QRICH1: variants seen among roughly 807,000 people sequenced by gnomAD.
QRICH1 encodes the protein glutamine rich 1, also known as transcriptional regulator QRICH1.
A neutral mutation model predicts 87.1 loss-of-function variants in QRICH1; 16 were observed. That is an observed-to-expected ratio of 0.18 (90% CI 0.12 to 0.28). The LOEUF is 0.28. QRICH1 is among the 10% of genes least tolerant of loss of function. The probability of loss-of-function intolerance (pLI) is 1.00; values close to 1 mark genes in which losing one functional copy is unlikely to be tolerated. For missense variants in QRICH1, 647 were observed against 951.7 expected (o/e 0.68, Z 4.21); for synonymous variants, 367 against 368.4 (o/e 1.00, Z 0.05).
chr3:49,054,339 G>A (rs72936804), intron 3 of QRICH1, among the ~76,000 whole-genome samples: 8,594 of 152,056 alleles, frequency 0.057, 820 homozygotes, highest in African/African-American at 0.2. Flanking sequence ...CAAATCTACT[G>A]GCTAGTTTCT....
chr3:49,049,116 C>G (rs998933083), intron 3 of QRICH1, among the ~76,000 whole-genome samples: 36 of 151,980 alleles, frequency 2.4e-4, no homozygotes, highest in African/African-American at 8.0e-4. Context: ...ATCTTGCTGG[C>G]TGGTATCGAA....
At chr3:49,066,864 C>A (rs145860052) in intron 2 of QRICH1, among the ~76,000 whole-genome samples, 101 of 151,948 alleles carry the variant, frequency 6.6e-4, no homozygotes, top group African/African-American at 2.2e-3. Flanking sequence ...ATGGTTAAAC[C>A]CCGTCTCTAA....
At chr3:49,037,297 T>C (rs1293788951) in intron 6 of QRICH1, among the ~76,000 whole-genome samples, 48 of 152,130 alleles carry the variant, frequency 3.2e-4, no homozygotes, top group Non-Finnish European at 5.9e-4. Context: ...CAATCAATTG[T>C]AGATACATGG....
chr3:49,053,119 C>T (rs1195502497), intron 3 of QRICH1, among the ~76,000 whole-genome samples: 2 of 151,964 alleles, frequency 1.3e-5, no homozygotes, highest in East Asian at 1.9e-4. Context: ...GAGAAGGCAC[C>T]GGTAAGCCTC....
chr3:49,065,002 C>G (rs995975217), intron 2 of QRICH1, among the ~76,000 whole-genome samples: 3 of 151,730 alleles, frequency 2.0e-5, no homozygotes, highest in Non-Finnish European at 4.4e-5. Context: ...GGGGACAGAG[C>G]AAGAGTTGTT....
chr3:49,070,666 C>T (rs1290436720), intron 2 of QRICH1, among the ~76,000 whole-genome samples: 2 of 152,086 alleles, frequency 1.3e-5, no homozygotes, highest in Admixed American at 6.6e-5. Context: ...AACTCCTGGG[C>T]TCAAGTCATC....
chr3:49,059,204 A>C (rs990345815), intron 2 of QRICH1, among the ~76,000 whole-genome samples: 2 of 151,030 alleles, frequency 1.3e-5, no homozygotes, highest in Admixed American at 6.6e-5. Context: ...TGACCTCGTG[A>C]TCCGCCCGCC....
Position 49,030,411 on chromosome 3 carries a change from T to C in QRICH1, c.*41A>G. On this transcript the variant is annotated 3_prime_UTR_variant, in exon 10 of 10. Transcript: ENST00000395443. Reference sequence around the variant, plus strand: ...TTCTTTAGTGTGAAAGTCTGTCTGGTTTTTCCTGGCTGGTTTCTCTTGTGC... The same window carrying C: ...TTCTTTAGTGTGAAAGTCTGTCTGGCTTTTCCTGGCTGGTTTCTCTTGTGC... The C allele has an allele frequency of 6.3e-7, 1 of 1,590,052 alleles. No individual in the cohort carries two copies. The highest frequency in any genetic ancestry group is 8.6e-7 in the Non-Finnish European group (1 of 1,166,054).
At chr3:49,072,503 G>A (rs1299449453) in intron 2 of QRICH1, among the ~76,000 whole-genome samples, 1 of 150,838 alleles carries the variant, frequency 6.6e-6, no homozygotes, top group Non-Finnish European at 1.5e-5. Flanking sequence ...TCCAACCTAG[G>A]TGACAGAATG....
At chr3:49,069,123 TG>T (rs1302840660) in intron 2 of QRICH1, among the ~76,000 whole-genome samples, 1 of 145,196 alleles carries the variant, frequency 6.9e-6, no homozygotes, top group Non-Finnish European at 1.5e-5. Flanking sequence ...TTTTTTTTTT[TG>T]AGATAGTCTT....
At chr3:49,075,650 C>A (rs971993346) in intron 2 of QRICH1, among the ~76,000 whole-genome samples, 43 of 142,404 alleles carry the variant, frequency 3.0e-4, no homozygotes, top group African/African-American at 9.6e-4. Context: ...AACAAACAAA[C>A]AAAAAAAAGG....
intron 1 of QRICH1, among the ~76,000 whole-genome samples, chr3:49,086,716 A>G (rs2042172134): frequency 6.6e-6 from 1 of 152,052 alleles, no homozygotes; most frequent in Non-Finnish European, 1.5e-5. Flanking sequence ...CTGTTTGCTA[A>G]TTTTTTTCTT....
intron 2 of QRICH1, among the ~76,000 whole-genome samples, chr3:49,064,444 G>A (rs184353968): frequency 6.0e-5 from 9 of 151,236 alleles, no homozygotes; most frequent in Admixed American, 2.6e-4. Context: ...GTAGAGATGG[G>A]GTTGCCCCAT....
At chr3:49,062,317 AGAGT>A in intron 2 of QRICH1, among the ~76,000 whole-genome samples, 1 of 151,224 alleles carries the variant, frequency 6.6e-6, no homozygotes, top group Admixed American at 6.6e-5. Flanking sequence ...AGTCAAGGAC[AGAGT>A]GAGACTCCAT....
chr3:49,067,114 C>T (rs2093473077), intron 2 of QRICH1, among the ~76,000 whole-genome samples: 1 of 152,130 alleles, frequency 6.6e-6, no homozygotes, highest in South Asian at 2.1e-4. Context: ...TGGCTAATGG[C>T]TATTGTTAGC....
At chr3:49,037,772 C>CAGG (rs1274401974) in intron 6 of QRICH1, among the ~76,000 whole-genome samples, 63 of 149,504 alleles carry the variant, frequency 4.2e-4, no homozygotes, top group Non-Finnish European at 7.8e-4. Context: ...ATCACAAGGT[C>CAGG]AGGAGTTCCA....
intron 8 of QRICH1, 62 bp downstream of exon 8, chr3:49,032,560 A>AAGGGCAGGAC (rs1201706074): frequency 1.3e-6 from 2 of 1,482,448 alleles, no homozygotes; most frequent in Non-Finnish European, 9.1e-7. Context: ...TCACAGGCAC[A>AAGGGCAGGAC]AGGGCAGGAC....
intron 6 of QRICH1, among the ~76,000 whole-genome samples, chr3:49,036,526 G>A (rs1458787479): frequency 2.6e-5 from 4 of 152,168 alleles, no homozygotes; most frequent in Admixed American, 2.6e-4. Context: ...TGGGACATTT[G>A]TGCATCAGTA....
Position 49,056,917 on chromosome 3 carries a change from T to C in QRICH1, c.1283A>G (p.Gln428Arg). Residue 428 changes from glutamine to arginine, a missense_variant, in exon 3 of 10, where the codon CAG becomes CGG. Around this residue, in one of 7 missense-constraint regions of QRICH1, gnomAD observed 115 missense variants for 126.8 expected, o/e 0.91. Transcript: ENST00000395443. Reference sequence around the variant, plus strand: ...CTGCTGTGGTGGTGGTGTCTGTTCCTGGGGAGTTTGCTGCTGCGGCTGCTG... The same window carrying C: ...CTGCTGTGGTGGTGGTGTCTGTTCCCGGGGAGTTTGCTGCTGCGGCTGCTG... ...PQQQPQQQTP[Q>R]EQTPPPQQQQ... is the part of the protein sequence containing the mutation. The C allele has an allele frequency of 1.2e-6, 2 of 1,614,096 alleles. No homozygotes were observed. Among genetic ancestry groups the C allele is most frequent in the Non-Finnish European group, 1.7e-6 (2 of 1,179,980 alleles).
Sources: gnomAD v4.1 joint callset for allele counts (sites outside exome capture counted in the v4.1 genomes callset) on GRCh38, gnomAD v4.1.1 for gene constraint, gnomAD v4.1.1 regional missense constraint, MANE v1.5 for transcripts, NCBI Gene and HGNC (gene_info 2026-07-23, HGNC 2026-07-21) for gene names.